GRIP1: variants seen among roughly 807,000 people sequenced by gnomAD.
GRIP1 encodes glutamate receptor-interacting protein 1.
A neutral mutation model predicts 129.9 loss-of-function variants in GRIP1; 45 were observed. The observed-to-expected ratio is 0.35, with a 90% CI of 0.27 to 0.44. The LOEUF is 0.44. Among genes scored for constraint, GRIP1 ranks in the 20% least tolerant of loss-of-function variants. GRIP1 has a pLI of 1.00. For missense variants in GRIP1, 1,196 were observed against 1,396.8 expected (o/e 0.86, Z 2.29); for synonymous variants, 530 against 520.8 (o/e 1.02, Z -0.24).
intron 11 of GRIP1, among the ~76,000 whole-genome samples, chr12:66,446,423 A>G (rs960177129): frequency 6.6e-6 from 1 of 151,474 alleles, no homozygotes; most frequent in African/African-American, 2.4e-5. Context: ...CCCTTTAACT[A>G]AAACCTGATA....
chr12:66,619,925 A>G (rs568867911), intron 1 of GRIP1, among the ~76,000 whole-genome samples: 32 of 152,298 alleles, frequency 2.1e-4, no homozygotes, highest in Middle Eastern at 6.8e-3. Flanking sequence ...TTGGGGTTGA[A>G]CTTACTGCCT....
chr12:66,535,863 T>G (rs1392982967), intron 4 of GRIP1, among the ~76,000 whole-genome samples: 1 of 152,164 alleles, frequency 6.6e-6, no homozygotes, highest in Admixed American at 6.6e-5. Context: ...ATATTTACAG[T>G]ACAGATCTTT....
intron 1 of GRIP1, among the ~76,000 whole-genome samples, chr12:66,704,032 T>C (rs1030533024): frequency 1.3e-5 from 2 of 151,920 alleles, no homozygotes; most frequent in Non-Finnish European, 2.9e-5. Context: ...AAAGAATAGA[T>C]AGACCTAAAG....
At chr12:66,928,564 T>C (rs532188602) in intron 1 of GRIP1, among the ~76,000 whole-genome samples, 1 of 152,302 alleles carries the variant, frequency 6.6e-6, no homozygotes, top group African/African-American at 2.4e-5. Flanking sequence ...CATTCAAGAA[T>C]GAAGAGCCTT....
chr12:66,973,931 T>C (rs2042114095), intron 1 of GRIP1, among the ~76,000 whole-genome samples: 1 of 148,804 alleles, frequency 6.7e-6, no homozygotes, highest in Admixed American at 6.7e-5. Context: ...TTTTTTTTTT[T>C]TTTTTTGAGT....
At chr12:66,776,210 C>T (rs867477858) in intron 1 of GRIP1, among the ~76,000 whole-genome samples, 7 of 152,176 alleles carry the variant, frequency 4.6e-5, no homozygotes, top group Admixed American at 1.3e-4. Context: ...GCAAATAAAG[C>T]GACAGGACCC....
intron 1 of GRIP1, among the ~76,000 whole-genome samples, chr12:67,043,566 A>C (rs1306391377): frequency 6.6e-6 from 1 of 152,170 alleles, no homozygotes; most frequent in Non-Finnish European, 1.5e-5. Flanking sequence ...AAAAGAGATA[A>C]TTAAGTGGCG....
intron 1 of GRIP1, among the ~76,000 whole-genome samples, chr12:66,934,453 G>A (rs1184444829): frequency 6.6e-6 from 1 of 152,120 alleles, no homozygotes; most frequent in African/African-American, 2.4e-5. Flanking sequence ...TTACCACACT[G>A]TACAGTAATC....
chr12:66,866,570 T>C (rs1340157792), intron 1 of GRIP1, among the ~76,000 whole-genome samples: 1 of 152,180 alleles, frequency 6.6e-6, no homozygotes, highest in Non-Finnish European at 1.5e-5. Flanking sequence ...ACAGGGTGAC[T>C]GCAGTCAATA....
intron 4 of GRIP1, among the ~76,000 whole-genome samples, chr12:66,536,920 G>A (rs1268281067): frequency 6.6e-6 from 1 of 152,080 alleles, no homozygotes; most frequent in African/African-American, 2.4e-5. Context: ...CTATCTCAGG[G>A]TAGCATCCAT....
At chr12:66,363,156 C>CAT (rs1339067749) in intron 23 of GRIP1, among the ~76,000 whole-genome samples, 1 of 111,064 alleles carries the variant, frequency 9.0e-6, no homozygotes, top group African/African-American at 3.7e-5. Flanking sequence ...CACATATATA[C>CAT]ATATATATAC....
intron 1 of GRIP1, chr12:66,804,027 A>G (rs1427991360): frequency 4.6e-6 from 2 of 439,110 alleles, no homozygotes; most frequent in Non-Finnish European, 9.2e-6. Context: ...GCGAGAAGGA[A>G]CCGGAGGATG....
chr12:66,495,607 C>T (rs2060216645), intron 7 of GRIP1, among the ~76,000 whole-genome samples: 1 of 152,116 alleles, frequency 6.6e-6, no homozygotes, highest in Admixed American at 6.5e-5. Flanking sequence ...CCAAATAGTA[C>T]CTTCAGCGTG....
At chr12:66,683,359 A>T (rs371869549), upstream of GRIP1, among the ~76,000 whole-genome samples, 4 of 152,286 alleles carry the variant, frequency 2.6e-5, no homozygotes, top group East Asian at 5.8e-4. Context: ...AGGGAGATGT[A>T]CACTGAACAG....
chr12:66,448,056 A>T (rs568926264), intron 11 of GRIP1, among the ~76,000 whole-genome samples: 1 of 151,896 alleles, frequency 6.6e-6, no homozygotes, highest in Non-Finnish European at 1.5e-5. Context: ...TCTTTCCCTC[A>T]TTCATGCCTA....
intron 1 of GRIP1, among the ~76,000 whole-genome samples, chr12:66,950,787 T>C (rs990037510): frequency 5.9e-5 from 9 of 152,140 alleles, no homozygotes; most frequent in African/African-American, 2.2e-4. Flanking sequence ...GAAAAAACTG[T>C]TGAATATTAA....
chr12:66,678,736 G>A, intron 1 of GRIP1, 114 bp downstream of exon 1: 1 of 940,866 alleles, frequency 1.1e-6, no homozygotes, highest in Non-Finnish European at 1.7e-6. Context: ...TGAGTTCTTT[G>A]TTGCCTGACA....
chr12:66,877,830 T>C (rs573407325), intron 1 of GRIP1, among the ~76,000 whole-genome samples: 53 of 151,882 alleles, frequency 3.5e-4, no homozygotes, highest in Non-Finnish European at 6.3e-4. Context: ...AAAAATAAAA[T>C]TAAAAAATGA....
chr12:66,860,884 C>A (rs2040099631), intron 1 of GRIP1, among the ~76,000 whole-genome samples: 1 of 152,052 alleles, frequency 6.6e-6, no homozygotes, highest in Non-Finnish European at 1.5e-5. Context: ...TACTTTCTGA[C>A]TGCCACTATA....
Sources: gnomAD v4.1 joint callset for allele counts (sites outside exome capture counted in the v4.1 genomes callset) on GRCh38, gnomAD v4.1.1 for gene constraint, MANE v1.5 for transcripts, NCBI Gene and HGNC (gene_info 2026-07-23, HGNC 2026-07-21) for gene names.